TENM2: variants seen among roughly 807,000 people sequenced by gnomAD.
TENM2 encodes teneurin transmembrane protein 2.
TENM2 carries 52 observed loss-of-function variants against 245.2 expected under a neutral mutation model. The observed-to-expected ratio is 0.21, with a 90% CI of 0.17 to 0.27. The LOEUF (loss-of-function observed/expected upper bound fraction) is 0.27, where lower values mean the gene tolerates loss of function less well. TENM2 is among the 10% of genes least tolerant of loss of function. The probability of loss-of-function intolerance (pLI) is 1.00; values close to 1 mark genes in which losing one functional copy is unlikely to be tolerated. For synonymous variants in TENM2, 1,363 were observed against 1,438.9 expected, an observed-to-expected ratio of 0.95 and a Z score of 1.19; for missense variants, 3,046 against 3,666.8, an observed-to-expected ratio of 0.83 and a Z score of 4.37.
chr5:167,321,738 T>G (rs539763166), intron 1 of TENM2, among the ~76,000 whole-genome samples: 1 of 150,118 alleles, frequency 6.7e-6, no homozygotes, highest in African/African-American at 2.4e-5. Context: ...TTATTTCCCC[T>G]TAATGTCTGC....
At chr5:167,388,324 T>C (rs1042735835) in intron 2 of TENM2, among the ~76,000 whole-genome samples, 1 of 152,154 alleles carries the variant, frequency 6.6e-6, no homozygotes, top group Admixed American at 6.5e-5. Flanking sequence ...CATTGACTGA[T>C]CTTTTGTATT....
rs949484044 is a variant in TENM2, at chr5:168,047,336, A to G, written c.1187-91A>G. The G allele has an allele frequency of 1.0e-5, 15 of 1,454,878 alleles. 1 individual carries two copies. Among genetic ancestry groups the G allele is most frequent in the South Asian group, 9.9e-5 (8 of 80,482 alleles). 90.1% of individuals were successfully genotyped at this position (1,454,878 alleles called of 1,614,324 possible). A position where few individuals can be genotyped will look rare whatever the true frequency, so the allele number is the denominator to read the frequency against. On this transcript the variant is annotated intron_variant, in intron 5 of 28. Transcript: ENST00000518659. ...TTTGACGCAGCTTCCTCAAAAGGCA[A>G]TCGCTTGGAAAAGGGCACCTGGCCC...
intron 25 of TENM2, among the ~76,000 whole-genome samples, chr5:168,232,701 A>G (rs139406867): frequency 2.6e-5 from 4 of 152,278 alleles, no homozygotes; most frequent in African/African-American, 9.6e-5. Flanking sequence ...ATCACAATAG[A>G]ACAGTGCCCA....
chr5:167,081,445 CT>C, the TENM2 span, among the ~76,000 whole-genome samples: 4,785 of 151,508 alleles, frequency 0.032, 102 homozygotes, highest in South Asian at 0.09. Flanking sequence ...GTTTCTAAGC[CT>C]TTTTTTTGCT....
chr5:167,141,184 C>T, the TENM2 span, among the ~76,000 whole-genome samples: 3 of 152,118 alleles, frequency 2.0e-5, no homozygotes, highest in South Asian at 2.1e-4. Context: ...TTCATGCATA[C>T]GCAGCTCTAT....
intron 2 of TENM2, among the ~76,000 whole-genome samples, chr5:167,628,382 T>C (rs1344208393): frequency 2.0e-5 from 3 of 152,192 alleles, no homozygotes; most frequent in Non-Finnish European, 4.4e-5. Context: ...ACGTTGAAGG[T>C]CCTCTGTTGT....
rs375456466 is a variant in TENM2, at chr5:167,690,923, A to ATGTGTGTG, written c.503-185023_503-185016dup. 1.1e-3 allele frequency among the ~76,000 whole-genome samples: 88 copies of ATGTGTGTG among 78,778 alleles called. 1 individual carries two copies. The highest frequency in any genetic ancestry group is 1.4e-3 in the Non-Finnish European group (57 of 39,902). 51.7% of individuals were successfully genotyped at this position (78,778 alleles called of 152,430 possible). On this transcript the variant is annotated intron_variant, in intron 2 of 28. Coordinates refer to ENST00000518659, the Ensembl canonical transcript of TENM2. ...TGTATATATATCCGTATATGCGAGTATGTGTGTGTGTGTGTGTGTGTGTGT... is the reference window on the plus strand; with the variant it reads ...TGTATATATATCCGTATATGCGAGTATGTGTGTGTGTGTGTGTGTGTGTGTGTGTGTGT...
intron 5 of TENM2, among the ~76,000 whole-genome samples, chr5:168,006,572 G>A (rs1369126834): frequency 6.6e-6 from 1 of 152,138 alleles, no homozygotes; most frequent in Non-Finnish European, 1.5e-5. Context: ...GCCTAGATGA[G>A]TAATAAGCTT....
At chr5:167,699,144 C>T (rs1757981924) in intron 2 of TENM2, among the ~76,000 whole-genome samples, 1 of 152,010 alleles carries the variant, frequency 6.6e-6, no homozygotes, top group South Asian at 2.1e-4. Flanking sequence ...ATATATATGA[C>T]TGTCACAGAA....
chr5:167,076,623 A>G, the TENM2 span, among the ~76,000 whole-genome samples: 1 of 152,194 alleles, frequency 6.6e-6, no homozygotes, highest in Non-Finnish European at 1.5e-5. Flanking sequence ...TAGTCGCTAT[A>G]TACTAAATAT....
chr5:167,718,072 T>C (rs905675976), intron 2 of TENM2, among the ~76,000 whole-genome samples: 1 of 152,238 alleles, frequency 6.6e-6, no homozygotes, highest in Non-Finnish European at 1.5e-5. Flanking sequence ...AATTGGATTT[T>C]AGCTGTACTG....
intron 2 of TENM2, among the ~76,000 whole-genome samples, chr5:167,743,642 A>T (rs1264188808): frequency 6.6e-6 from 1 of 152,212 alleles, no homozygotes; most frequent in Non-Finnish European, 1.5e-5. Flanking sequence ...TAAACCTCAA[A>T]GAGAAAGAAA....
chr5:166,979,309 C>T, the TENM2 span, among the ~76,000 whole-genome samples: 1 of 150,130 alleles, frequency 6.7e-6, no homozygotes, highest in East Asian at 2.0e-4. Flanking sequence ...TTGGGGAGTC[C>T]GGGGGGCGGG....
intron 2 of TENM2, among the ~76,000 whole-genome samples, chr5:167,559,156 C>G (rs919400742): frequency 6.6e-6 from 1 of 152,232 alleles, no homozygotes; most frequent in East Asian, 1.9e-4. Context: ...AGACCTCCCA[C>G]TTCATATCTG....
At chr5:167,062,315 G>T in the TENM2 span, among the ~76,000 whole-genome samples, 1 of 152,078 alleles carries the variant, frequency 6.6e-6, no homozygotes, top group East Asian at 1.9e-4. Flanking sequence ...TATAAATCTG[G>T]CTGAGACGTG....
intron 1 of TENM2, among the ~76,000 whole-genome samples, chr5:167,366,927 T>C (rs1352507750): frequency 6.6e-6 from 1 of 152,156 alleles, no homozygotes; most frequent in African/African-American, 2.4e-5. Context: ...TTCGTTGGAA[T>C]TTTCATCAGC....
rs551210245 is a variant in TENM2, at chr5:167,496,247, A to G, written c.502+120774A>G. ...TTAGTTCCCCGAACTTTTCAAGGAT[A>G]TGTTTATCAGCAGCAGGAAGAAATG... On this transcript the variant is annotated intron_variant, in intron 2 of 28. Coordinates refer to ENST00000518659, the Ensembl canonical transcript of TENM2. 2.6e-5 allele frequency among the ~76,000 whole-genome samples: 4 copies of G among 152,204 alleles called. No individual in the cohort carries two copies. The South Asian group carries it at 8.3e-4, about 32-fold the overall frequency.
chr5:168,218,762 A>G lies in TENM2; in HGVS notation c.4871A>G (p.Asp1624Gly). 2 of 1,613,998 alleles carry G rather than the reference A, an allele frequency of 1.2e-6. No homozygotes were observed. The highest frequency in any genetic ancestry group is 1.7e-6 in the Non-Finnish European group (2 of 1,179,896). The change falls in exon 23 of 29, where the codon GAT (aspartate) becomes GGT (glycine). Residue 1624 changes from aspartate (D) to glycine (G), a missense_variant. Coordinates refer to ENST00000518659, the Ensembl canonical transcript of TENM2. The surrounding 1 kb of genome is among the most constrained non-coding windows in gnomAD (Gnocchi z 5.2). ...AATTTCACATATAGTACTGACAATGATGTCACTGAATTGATTGACAATAAT... is the reference window on the plus strand; with the variant it reads ...AATTTCACATATAGTACTGACAATGGTGTCACTGAATTGATTGACAATAAT...
intron 2 of TENM2, among the ~76,000 whole-genome samples, chr5:167,567,760 G>A (rs1418026083): frequency 6.6e-5 from 10 of 151,974 alleles, no homozygotes; most frequent in African/African-American, 1.9e-4. Context: ...GGGTAAAAAC[G>A]CTACAAATAA....
Sources: gnomAD v4.1 joint callset for allele counts (sites outside exome capture counted in the v4.1 genomes callset) on GRCh38, gnomAD v4.1.1 for gene constraint, Gnocchi (gnomAD v3.1) non-coding constraint, MANE v1.5 for transcripts, NCBI Gene and HGNC (gene_info 2026-07-23, HGNC 2026-07-21) for gene names.